TENM2: variants seen among roughly 807,000 people sequenced by gnomAD.
The protein encoded by TENM2 is teneurin-2.
A neutral mutation model predicts 245.2 loss-of-function variants in TENM2; 52 were observed. The observed-to-expected ratio is 0.21, with a 90% CI of 0.17 to 0.27. TENM2 has a LOEUF of 0.27. Among genes scored for constraint, TENM2 ranks in the 10% least tolerant of loss-of-function variants. The probability of loss-of-function intolerance (pLI) is 1.00; values close to 1 mark genes in which losing one functional copy is unlikely to be tolerated. For synonymous variants in TENM2, 1,363 were observed against 1,438.9 expected, an observed-to-expected ratio of 0.95 and a Z score of 1.19; for missense variants, 3,046 against 3,666.8, an observed-to-expected ratio of 0.83 and a Z score of 4.37.
chr5:167,826,698 A>G lies in TENM2; in HGVS notation c.503-49288A>G, dbSNP rs544800217. ...AAAGGCAGTGTGGCCAAAGGTTAAG[A>G]GCACAGACTCAGGAGCTCTGCTGCT... On this transcript the variant is annotated intron_variant, in intron 2 of 28. Coordinates refer to ENST00000518659, the Ensembl canonical transcript of TENM2. Among the ~76,000 whole-genome samples, 10 of 152,332 alleles carry G rather than the reference A, an allele frequency of 6.6e-5. No homozygotes were observed. The South Asian group carries it at 8.3e-4, about 13-fold the overall frequency.
chr5:167,537,228 A>G (rs1022317858), intron 2 of TENM2, among the ~76,000 whole-genome samples: 2 of 136,830 alleles, frequency 1.5e-5, no homozygotes, highest in Non-Finnish European at 3.1e-5. Flanking sequence ...CCTGGGCAAT[A>G]TAGTGAGACC....
At chr5:167,579,656 T>G (rs1723208131) in intron 2 of TENM2, among the ~76,000 whole-genome samples, 1 of 152,202 alleles carries the variant, frequency 6.6e-6, no homozygotes, top group Admixed American at 6.5e-5. Context: ...GCTCTAATTT[T>G]TGTGTGTGTG....
At chr5:167,458,252 C>T (rs1019707932) in intron 2 of TENM2, among the ~76,000 whole-genome samples, 3 of 151,660 alleles carry the variant, frequency 2.0e-5, no homozygotes, top group Admixed American at 1.3e-4. Flanking sequence ...TTTGGGAGGC[C>T]GAGACAGGTG....
At chr5:167,585,210 T>C (rs1775402100) in intron 2 of TENM2, among the ~76,000 whole-genome samples, 1 of 152,170 alleles carries the variant, frequency 6.6e-6, no homozygotes, top group African/African-American at 2.4e-5. Context: ...ATCCCCAGAA[T>C]AGAATCGTTA....
At chr5:167,179,928 G>A in the TENM2 span, among the ~76,000 whole-genome samples, 1 of 152,048 alleles carries the variant, frequency 6.6e-6, no homozygotes, top group Admixed American at 6.6e-5. Flanking sequence ...AGGAGAGAAG[G>A]CTGAGACAAC....
At chr5:167,669,313 T>G (rs1467308770) in intron 2 of TENM2, among the ~76,000 whole-genome samples, 1 of 152,040 alleles carries the variant, frequency 6.6e-6, no homozygotes, top group Non-Finnish European at 1.5e-5. Context: ...AAGTTCTTAA[T>G]AAGAAGTAAA....
chr5:168,112,122 G>A (rs1794711656), intron 9 of TENM2, among the ~76,000 whole-genome samples: 1 of 152,048 alleles, frequency 6.6e-6, no homozygotes, highest in African/African-American at 2.4e-5. Context: ...TAGAATTTAT[G>A]TCTTACATAT....
At chr5:167,394,228 T>A (rs1006867046) in intron 2 of TENM2, among the ~76,000 whole-genome samples, 13 of 152,122 alleles carry the variant, frequency 8.5e-5, no homozygotes, top group African/African-American at 3.1e-4. Context: ...CTTTCCCAAT[T>A]TTTTTTAGGA....
chr5:167,834,545 G>C (rs1158529519), intron 2 of TENM2, among the ~76,000 whole-genome samples: 2 of 151,878 alleles, frequency 1.3e-5, no homozygotes, highest in Admixed American at 6.6e-5. Context: ...TTAGTGCTGT[G>C]AGTAGCATTG....
At chr5:167,226,783 A>C in the TENM2 span, among the ~76,000 whole-genome samples, 2 of 151,896 alleles carry the variant, frequency 1.3e-5, no homozygotes, top group African/African-American at 4.8e-5. Context: ...TCAGATATTG[A>C]AGTTCCCCAC....
At chr5:167,725,686 C>T (rs765201112) in intron 2 of TENM2, among the ~76,000 whole-genome samples, 4 of 152,118 alleles carry the variant, frequency 2.6e-5, no homozygotes, top group African/African-American at 7.2e-5. Context: ...TATGGCTCGC[C>T]AGTGCCCTGA....
chr5:168,203,121 T>C lies in TENM2; in HGVS notation c.3431-568T>C, dbSNP rs1279719824. 4.6e-5 allele frequency among the ~76,000 whole-genome samples: 7 copies of C among 152,328 alleles called. No individual in the cohort carries two copies. The East Asian group carries it at 9.6e-4, about 21-fold the overall frequency. On this transcript the variant is annotated intron_variant, in intron 17 of 28. Coordinates refer to ENST00000518659, the Ensembl canonical transcript of TENM2. ...TTCTGTTCCCCATTGAATCCCCATG[T>C]AACTGGCAGGCTGTACTCCTGCTGG... is the stretch of plus-strand genomic sequence containing the variant.
At chr5:167,355,493 CTGAAA>C (rs1328169387) in intron 1 of TENM2, among the ~76,000 whole-genome samples, 1 of 152,154 alleles carries the variant, frequency 6.6e-6, no homozygotes, top group Non-Finnish European at 1.5e-5. Flanking sequence ...CCTAAATAAT[CTGAAA>C]TGAGAGCACA....
chr5:167,883,645 C>A (rs972639147), intron 3 of TENM2, among the ~76,000 whole-genome samples: 7 of 152,226 alleles, frequency 4.6e-5, no homozygotes, highest in African/African-American at 1.7e-4. Context: ...ATTTCTGTCC[C>A]TGGCTTCTTG....
At chr5:167,438,850 A>G (rs1294383740) in intron 2 of TENM2, among the ~76,000 whole-genome samples, 1 of 148,202 alleles carries the variant, frequency 6.7e-6, no homozygotes, top group Admixed American at 6.7e-5. Context: ...CTGGAGTGCA[A>G]TGGCACGATC....
chr5:168,057,228 GAA>G (rs1243688729), intron 6 of TENM2, among the ~76,000 whole-genome samples: 1 of 151,952 alleles, frequency 6.6e-6, no homozygotes, highest in Non-Finnish European at 1.5e-5. Flanking sequence ...TTGTGAAAGT[GAA>G]GTCACCTGTT....
At chr5:168,160,011 T>C (rs550128321) in intron 12 of TENM2, among the ~76,000 whole-genome samples, 129 of 152,240 alleles carry the variant, frequency 8.5e-4, no homozygotes, top group Non-Finnish European at 1.6e-3. Context: ...ACATTGGACA[T>C]GAATTTAGTC....
chr5:167,560,815 T>TA (rs1279811723), intron 2 of TENM2, among the ~76,000 whole-genome samples: 2 of 152,298 alleles, frequency 1.3e-5, no homozygotes, highest in East Asian at 3.9e-4. Flanking sequence ...ACCTCAACTT[T>TA]AAAAAATTAC....
intron 2 of TENM2, among the ~76,000 whole-genome samples, chr5:167,529,508 G>C (rs1004538817): frequency 6.6e-6 from 1 of 152,148 alleles, no homozygotes; most frequent in African/African-American, 2.4e-5. Context: ...TCTGCACTTA[G>C]GAGAACTTTC....
Sources: gnomAD v4.1 joint callset for allele counts (sites outside exome capture counted in the v4.1 genomes callset) on GRCh38, gnomAD v4.1.1 for gene constraint, MANE v1.5 for transcripts, NCBI Gene and HGNC (gene_info 2026-07-23, HGNC 2026-07-21) for gene names.